Variants in PDE4D observed in about 807,000 individuals in gnomAD.
PDE4D encodes 3',5'-cyclic-AMP phosphodiesterase 4D.
Under a neutral mutation model 87.4 loss-of-function variants are expected in PDE4D, and 24 were observed. The observed-to-expected ratio is 0.27, with a 90% CI of 0.20 to 0.39. The LOEUF (loss-of-function observed/expected upper bound fraction) is 0.39. Ranked by LOEUF, PDE4D falls within the 10% of genes least tolerant of loss-of-function variation. The pLI, the probability that PDE4D is intolerant of heterozygous loss-of-function variation, is 1.00. For synonymous variants in PDE4D, 384 were observed against 383.2 expected, an observed-to-expected ratio of 1.00 and a Z score of -0.02; for missense variants, 714 against 1,041.0, an observed-to-expected ratio of 0.69 and a Z score of 4.32.
At chr5:60,043,958 G>T (rs377026598) in intron 2 of PDE4D, among the ~76,000 whole-genome samples, 8 of 152,162 alleles carry the variant, frequency 5.3e-5, no homozygotes, top group African/African-American at 1.9e-4. Context: ...TTCTTGCATG[G>T]TTGCCAATGA....
In PDE4D at chr5:60,216,574, T is replaced by C. The variant is rs1006039532; in HGVS notation, c.-89-30887A>G. Among the ~76,000 whole-genome samples, 7 of 152,136 alleles carry C rather than the reference T, an allele frequency of 4.6e-5. No homozygotes were observed. In the East Asian group the frequency reaches 9.6e-4, roughly 21 times the overall value. On this transcript the variant is annotated intron_variant, in intron 1 of 16. Transcript: ENST00000502484. ...CTCACTTTAGATCCAAAGACACAGA[T>C]AGATTAAAAATAAAACGATGAAACA...
chr5:59,570,932 T>C (rs1821732972), intron 1 of PDE4D, among the ~76,000 whole-genome samples: 1 of 152,186 alleles, frequency 6.6e-6, no homozygotes, highest in African/African-American at 2.4e-5. Context: ...AAGAAATACA[T>C]TAAATATCTA....
chr5:59,959,969 G>T (rs1759282608), intron 3 of PDE4D, among the ~76,000 whole-genome samples: 1 of 151,940 alleles, frequency 6.6e-6, no homozygotes, highest in African/African-American at 2.4e-5. Flanking sequence ...CTAATATCCA[G>T]AATCCATAAG....
chr5:60,297,458 A>G (rs1753508766), intron 1 of PDE4D, among the ~76,000 whole-genome samples: 1 of 152,236 alleles, frequency 6.6e-6, no homozygotes, highest in Non-Finnish European at 1.5e-5. Context: ...AAGGGTTTGA[A>G]GAAATAAGCA....
At chr5:59,015,789 A>T (rs1185560951) in intron 6 of PDE4D, among the ~76,000 whole-genome samples, 1 of 152,178 alleles carries the variant, frequency 6.6e-6, no homozygotes, top group Admixed American at 6.5e-5. Context: ...TATCCAAAGG[A>T]TTATAAATCA....
At chr5:59,251,753 A>C (rs1212549301) in intron 1 of PDE4D, among the ~76,000 whole-genome samples, 1 of 152,172 alleles carries the variant, frequency 6.6e-6, no homozygotes, top group African/African-American at 2.4e-5. Context: ...ACTATTAACA[A>C]TAGTAACGAC....
chr5:59,983,595 C>T (rs1376412851), intron 3 of PDE4D, among the ~76,000 whole-genome samples: 1 of 152,056 alleles, frequency 6.6e-6, no homozygotes, highest in African/African-American at 2.4e-5. Flanking sequence ...TCAATAAACA[C>T]ATCAAAAGGT....
At chr5:59,889,042 C>T (rs1038880881) in intron 1 of PDE4D, among the ~76,000 whole-genome samples, 3 of 151,452 alleles carry the variant, frequency 2.0e-5, no homozygotes, top group Non-Finnish European at 4.4e-5. Context: ...GCTTGGCCAA[C>T]ATGGTGAAGC....
At chr5:60,049,592 C>G (rs1191398601) in intron 2 of PDE4D, among the ~76,000 whole-genome samples, 1 of 152,120 alleles carries the variant, frequency 6.6e-6, no homozygotes, top group African/African-American at 2.4e-5. Flanking sequence ...ACAGACAGGA[C>G]CCTCAGCTGC....
intron 1 of PDE4D, among the ~76,000 whole-genome samples, chr5:60,413,122 G>C (rs1191799549): frequency 2.0e-5 from 3 of 152,132 alleles, no homozygotes; most frequent in Non-Finnish European, 4.4e-5. Context: ...GAGCTCACAA[G>C]CACATAACGT....
chr5:60,193,669 C>CAAAAAAAAAAAAAAAAAAAA (rs35340734), intron 1 of PDE4D, among the ~76,000 whole-genome samples: 1 of 46,878 alleles, frequency 2.1e-5, no homozygotes, highest in African/African-American at 7.8e-5. Context: ...GACTCCGTCT[C>CAAAAAAAAAAAAAAAAAAAA]AAAAAAAAAA....
At chr5:59,745,474 G>A (rs1242052846) in intron 1 of PDE4D, among the ~76,000 whole-genome samples, 1 of 152,170 alleles carries the variant, frequency 6.6e-6, no homozygotes, top group Non-Finnish European at 1.5e-5. Context: ...GTTGGCAAGA[G>A]CGTCATCAGA....
intron 3 of PDE4D, among the ~76,000 whole-genome samples, chr5:59,902,605 T>C (rs959341277): frequency 1.3e-5 from 2 of 152,150 alleles, no homozygotes; most frequent in East Asian, 1.9e-4. Flanking sequence ...AGTTCATATA[T>C]TATATGCTCT....
chr5:59,577,778 A>G (rs1434785018), intron 1 of PDE4D, among the ~76,000 whole-genome samples: 4 of 152,176 alleles, frequency 2.6e-5, no homozygotes, highest in Admixed American at 2.6e-4. Context: ...TATTGGCTAA[A>G]GTCACAGTAT....
intron 1 of PDE4D, among the ~76,000 whole-genome samples, chr5:59,600,438 C>G (rs986682755): frequency 6.6e-6 from 1 of 152,148 alleles, no homozygotes; most frequent in African/African-American, 2.4e-5. Context: ...AAAGCAGAAC[C>G]TGGGTGATGT....
intron 5 of PDE4D, among the ~76,000 whole-genome samples, chr5:59,179,849 G>T (rs1039462543): frequency 2.0e-5 from 3 of 152,218 alleles, no homozygotes; most frequent in African/African-American, 7.2e-5. Context: ...ATCAATTGGG[G>T]TTTCAAGAAA....
intron 2 of PDE4D, among the ~76,000 whole-genome samples, chr5:60,035,556 A>C (rs1456741065): frequency 6.6e-6 from 1 of 152,174 alleles, no homozygotes; most frequent in East Asian, 1.9e-4. Context: ...TTATTTAAAA[A>C]TCTAAAATAA....
chr5:59,688,784 T>C (rs1210922857), intron 1 of PDE4D, among the ~76,000 whole-genome samples: 1 of 152,124 alleles, frequency 6.6e-6, no homozygotes, highest in South Asian at 2.1e-4. Context: ...ATCCAGGAGC[T>C]GGTATTTTGA....
At chr5:59,256,334 T>C (rs769421950) in intron 1 of PDE4D, among the ~76,000 whole-genome samples, 2 of 152,076 alleles carry the variant, frequency 1.3e-5, no homozygotes, top group Non-Finnish European at 2.9e-5. Context: ...ATGTAAGCTC[T>C]GGAAGTTGAG....
Sources: allele counts gnomAD v4.1 joint callset (sites outside exome capture counted in the v4.1 genomes callset), GRCh38; gene constraint gnomAD v4.1.1; transcripts MANE v1.5; gene names NCBI Gene and HGNC (gene_info 2026-07-23, HGNC 2026-07-21).